Variants in PLCH1 observed in about 807,000 individuals in gnomAD.
The protein encoded by PLCH1 is 1-phosphatidylinositol 4,5-bisphosphate phosphodiesterase eta-1.
PLCH1 carries 60 observed loss-of-function variants against 126.7 expected under a neutral mutation model. The ratio of observed to expected loss-of-function variants is 0.47; its 90% confidence interval spans 0.38 to 0.59. PLCH1 has a LOEUF of 0.59. Ranked by LOEUF, PLCH1 falls within the 20% of genes least tolerant of loss-of-function variation. The pLI is 0.00. For synonymous variants in PLCH1, 719 were observed against 734.9 expected (o/e 0.98, Z 0.35); for missense variants, 1,723 against 2,040.0 (o/e 0.84, Z 2.99).
intron 2 of PLCH1, among the ~76,000 whole-genome samples, chr3:155,678,410 C>G (rs141910009): frequency 6.6e-6 from 1 of 152,172 alleles, no homozygotes; most frequent in Non-Finnish European, 1.5e-5. Context: ...AGCCATGGCC[C>G]ATAAGTGTCT....
At chr3:155,622,979 C>T (rs186366597) in intron 2 of PLCH1, among the ~76,000 whole-genome samples, 2 of 152,264 alleles carry the variant, frequency 1.3e-5, no homozygotes, top group Admixed American at 6.5e-5. Context: ...AGGAACACAT[C>T]GCACTTATTC....
intron 2 of PLCH1, among the ~76,000 whole-genome samples, chr3:155,701,170 A>C (rs573457670): frequency 2.0e-5 from 3 of 152,360 alleles, no homozygotes; most frequent in African/African-American, 7.2e-5. Context: ...ATGAAATAGT[A>C]GGTAGATAAA....
chr3:155,581,671 T>C (rs1331135411), intron 6 of PLCH1, among the ~76,000 whole-genome samples: 1 of 151,856 alleles, frequency 6.6e-6, no homozygotes, highest in Non-Finnish European at 1.5e-5. Flanking sequence ...TAATTGCTAA[T>C]AGGTTTGGGG....
intron 1 of PLCH1, among the ~76,000 whole-genome samples, chr3:155,707,663 C>CAA (rs11377105): frequency 3.0e-4 from 42 of 142,292 alleles, no homozygotes; most frequent in Middle Eastern, 3.6e-3. Flanking sequence ...AACTCCATCT[C>CAA]AAAAAAAAAA....
intron 2 of PLCH1, among the ~76,000 whole-genome samples, chr3:155,667,817 C>T (rs997844405): frequency 2.0e-5 from 3 of 148,760 alleles, no homozygotes; most frequent in African/African-American, 7.5e-5. Context: ...GTAATCCCAG[C>T]ACTTTGGGAG....
rs114329342 is a variant in PLCH1, at chr3:155,657,008, T to C, written c.79+47138A>G. 2.4e-3 allele frequency among the ~76,000 whole-genome samples: 346 copies of C among 145,894 alleles called. 4 individuals carry two copies. Among genetic ancestry groups the C allele is most frequent in the African/African-American group, 8.0e-3 (314 of 39,172 alleles). ...TAACACAGTAACCAGCTAGAAAATA[T>C]AATGGGAGAGAAGATTCTCATATAT... On this transcript the variant is annotated intron_variant, in intron 2 of 22. Transcript: ENST00000460012.
intron 1 of PLCH1, among the ~76,000 whole-genome samples, chr3:155,706,962 A>G (rs1418142431): frequency 3.9e-5 from 6 of 152,094 alleles, no homozygotes; most frequent in African/African-American, 1.4e-4. Context: ...CCAAATTCCT[A>G]TGGTGAAATC....
At chr3:155,669,237 A>G (rs1438056571) in intron 2 of PLCH1, among the ~76,000 whole-genome samples, 1 of 152,210 alleles carries the variant, frequency 6.6e-6, no homozygotes, top group South Asian at 2.1e-4. Context: ...ATGACTATAC[A>G]CAAAGATTAA....
At chr3:155,656,152 G>A (rs1416234854) in intron 2 of PLCH1, among the ~76,000 whole-genome samples, 1 of 149,356 alleles carries the variant, frequency 6.7e-6, no homozygotes, top group Non-Finnish European at 1.5e-5. Context: ...TTCATAGAAG[G>A]AATAGAGAAA....
rs1227708190 is a variant in PLCH1 at position 155,490,811 on chromosome 3, C to G, written c.2365G>C (p.Asp789His). The G allele has an allele frequency of 5.0e-6, 8 of 1,595,630 alleles. No homozygotes were observed. The highest frequency in any genetic ancestry group is 5.0e-5 in the Admixed American group (3 of 59,962). The change falls in exon 19 of 23, where the codon GAT (aspartate) becomes CAT (histidine). Residue 789 changes from aspartate (D) to histidine (H), a missense_variant. This residue lies in a region of PLCH1 where 776 missense variants were observed against 1,062.9 expected (regional missense o/e 0.73). Transcript: ENST00000460012. The stretch of plus-strand genomic sequence containing the variant: ...TTGTCATCTACCACACGGGTTTGAT[C>G]TTTACAACAATCTACTGGCAATCCA... ...IIGLPVDCCK[D>H]QTRVVDDNGF... is the part of the protein sequence containing the mutation.
At chr3:155,459,401 T>G (rs952651292) in intron 21 of PLCH1, among the ~76,000 whole-genome samples, 18 of 152,144 alleles carry the variant, frequency 1.2e-4, no homozygotes, top group African/African-American at 3.6e-4. Context: ...AAATATTTAT[T>G]AGAGTGTATA....
intron 1 of PLCH1, among the ~76,000 whole-genome samples, chr3:155,704,988 G>A (rs1746549906): frequency 1.3e-5 from 2 of 152,214 alleles, no homozygotes; most frequent in South Asian, 2.1e-4. Context: ...TCCTCCAAAA[G>A]CTGACGTGCA....
chr3:155,500,072 G>A (rs559909751), intron 14 of PLCH1, among the ~76,000 whole-genome samples: 1 of 152,094 alleles, frequency 6.6e-6, no homozygotes, highest in South Asian at 2.1e-4. Flanking sequence ...GAAAGTTATG[G>A]TATAAATAAA....
intron 10 of PLCH1, among the ~76,000 whole-genome samples, chr3:155,538,193 G>A (rs1035928622): frequency 1.3e-5 from 2 of 152,080 alleles, no homozygotes; most frequent in Non-Finnish European, 2.9e-5. Context: ...AAAATTCCTT[G>A]AACTGAACGA....
chr3:155,531,083 T>A (rs1018954919), intron 10 of PLCH1, among the ~76,000 whole-genome samples: 3 of 43,326 alleles, frequency 6.9e-5, no homozygotes, highest in Non-Finnish European at 1.8e-4. Context: ...TGTAAAAATA[T>A]GTGCTGTCAT....
chr3:155,504,461 TCA>T, intron 13 of PLCH1, 92 bp downstream of exon 13: 1 of 689,328 alleles, frequency 1.5e-6, no homozygotes, highest in Non-Finnish European at 2.6e-6. Context: ...TAAGAAATCT[TCA>T]GTTATTCCAA....
intron 22 of PLCH1, chr3:155,483,418 T>G: frequency 1.4e-6 from 2 of 1,463,536 alleles, no homozygotes; most frequent in Non-Finnish European, 1.9e-6. Flanking sequence ...AAGACAGCTC[T>G]GTTAAACAAA....
At chr3:155,646,375 C>T (rs1437760570) in intron 2 of PLCH1, among the ~76,000 whole-genome samples, 2 of 152,154 alleles carry the variant, frequency 1.3e-5, no homozygotes, top group African/African-American at 4.8e-5. Context: ...CTCACCTTAG[C>T]TGTCACCATA....
In PLCH1 at chr3:155,514,753, C is replaced by A. The variant is rs200928567; in HGVS notation, c.1602G>T (p.Thr534=). ...SFTVRALLKA[T]HEGLNAHLKQ... The stretch of plus-strand genomic sequence containing the variant: ...TCAGGTGTGCATTTAAGCCTTCATG[C>A]GTGGCCTTCAGTAGTGCCCGCACTG... The change falls in exon 12 of 23, where the codon ACG becomes ACT. Residue 534 remains threonine, a synonymous_variant. Coordinates refer to ENST00000460012, the MANE Select transcript of PLCH1 (RefSeq NM_014996.4). 2.5e-6 allele frequency: 4 copies of A among 1,601,458 alleles called. No homozygotes were observed. Among genetic ancestry groups the A allele is most frequent in the Admixed American group, 3.4e-5 (2 of 59,030 alleles).
Sources: gnomAD v4.1 joint callset for allele counts (sites outside exome capture counted in the v4.1 genomes callset) on GRCh38, gnomAD v4.1.1 for gene constraint, gnomAD v4.1.1 regional missense constraint, MANE v1.5 for transcripts, NCBI Gene and HGNC (gene_info 2026-07-23, HGNC 2026-07-21) for gene names.